RGS9: variants seen among roughly 807,000 people sequenced by gnomAD.
RGS9 encodes regulator of G protein signaling 9.
RGS9 carries 78 observed loss-of-function variants against 102.0 expected under a neutral mutation model. The observed-to-expected ratio is 0.76, with a 90% confidence interval of 0.64 to 0.92. The LOEUF is 0.92. Ranked by LOEUF, RGS9 falls within the 40% of genes least tolerant of loss-of-function variation. The probability of loss-of-function intolerance (pLI) is 0.00; values close to 1 mark genes in which losing one functional copy is unlikely to be tolerated. For missense variants in RGS9, 833 were observed against 866.1 expected, an observed-to-expected ratio of 0.96 and a Z score of 0.48; for synonymous variants, 353 against 318.6, an observed-to-expected ratio of 1.11 and a Z score of -1.15.
intron 2 of RGS9, among the ~76,000 whole-genome samples, chr17:65,154,640 C>T (rs1910702318): frequency 6.6e-6 from 1 of 152,198 alleles, no homozygotes; most frequent in Admixed American, 6.5e-5. Flanking sequence ...TGTCTCCTCT[C>T]TGTGTGTGGG....
intron 2 of RGS9, 147 bp from the exon 3 acceptor site, chr17:65,158,148 T>G: frequency 1.3e-6 from 1 of 777,972 alleles, no homozygotes; most frequent in East Asian, 2.5e-5. Context: ...GGACTGAGCA[T>G]GATGAGGTGG....
At chr17:65,170,846 G>A (rs568801174) in intron 8 of RGS9, among the ~76,000 whole-genome samples, 2 of 152,290 alleles carry the variant, frequency 1.3e-5, no homozygotes, top group Non-Finnish European at 1.5e-5. Context: ...AGGCAGGAGA[G>A]TGCAGTGGCC....
chr17:65,213,362 C>A (rs777675159), intron 17 of RGS9, among the ~76,000 whole-genome samples: 2 of 152,182 alleles, frequency 1.3e-5, no homozygotes, highest in Non-Finnish European at 2.9e-5. Context: ...CCTCCAACTT[C>A]TGGGGGAACG....
At chr17:65,171,317 C>G (rs1181122915) in intron 8 of RGS9, among the ~76,000 whole-genome samples, 1 of 152,182 alleles carries the variant, frequency 6.6e-6, no homozygotes, top group Non-Finnish European at 1.5e-5. Context: ...CACAGATGAC[C>G]TCATTGACGC....
intron 11 of RGS9, among the ~76,000 whole-genome samples, chr17:65,190,498 A>G (rs976757766): frequency 1.3e-5 from 2 of 152,140 alleles, no homozygotes; most frequent in Non-Finnish European, 2.9e-5. Context: ...TAATGTGTGG[A>G]TGGGGAAGTT....
chr17:65,208,090 T>C, intron 16 of RGS9, 83 bp downstream of exon 16: 1 of 918,752 alleles, frequency 1.1e-6, no homozygotes, highest in Non-Finnish European at 1.8e-6. Context: ...AAATGGCTAT[T>C]ATGGAGATAT....
At chr17:65,142,359 C>A (rs1910189308) in intron 1 of RGS9, among the ~76,000 whole-genome samples, 1 of 152,160 alleles carries the variant, frequency 6.6e-6, no homozygotes, top group South Asian at 2.1e-4. Flanking sequence ...TAATGAGAAG[C>A]TGTTTGACGT....
intron 8 of RGS9, 145 bp downstream of exon 8, chr17:65,168,426 C>T: frequency 1.5e-6 from 1 of 684,604 alleles, no homozygotes; most frequent in Non-Finnish European, 2.7e-6. Flanking sequence ...GGGTTAGCAT[C>T]CAAGTGCCTC....
At chr17:65,151,122 A>G (rs2143969013) in intron 1 of RGS9, among the ~76,000 whole-genome samples, 1 of 152,304 alleles carries the variant, frequency 6.6e-6, no homozygotes, top group Admixed American at 6.5e-5. Flanking sequence ...AGGCAGGTGG[A>G]TCACTTGAGG....
intron 2 of RGS9, among the ~76,000 whole-genome samples, chr17:65,155,189 T>C (rs1910724475): frequency 6.6e-6 from 1 of 152,240 alleles, no homozygotes; most frequent in Non-Finnish European, 1.5e-5. Context: ...GGGCAGACTT[T>C]TCAGGGTGCC....
At chr17:65,206,740 C>G (rs949760375) in intron 15 of RGS9, among the ~76,000 whole-genome samples, 1 of 152,070 alleles carries the variant, frequency 6.6e-6, no homozygotes, top group African/African-American at 2.4e-5. Flanking sequence ...TAGGGGATGC[C>G]CAGGGAGGCC....
rs567648039 is a variant in RGS9, at chr17:65,219,038, G to A, written c.1408-5964G>A. On this transcript the variant is annotated intron_variant, in intron 17 of 18. Transcript: ENST00000262406. ...GTGGAGACTTGGGGAGATCAGCAGA[G>A]GCTAAAGCAGAGGGGTGGGCAGGGC... Among the ~76,000 whole-genome samples the A allele has an allele frequency of 1.2e-4, 19 of 152,376 alleles. No individual in the cohort carries two copies. The East Asian group carries it at 3.7e-3, about 29-fold the overall frequency.
intron 17 of RGS9, among the ~76,000 whole-genome samples, chr17:65,212,704 A>G (rs2869581): frequency 0.078 from 11,889 of 152,246 alleles, 521 homozygotes; most frequent in Middle Eastern, 0.13. Flanking sequence ...AGCCCAGAAG[A>G]GGGACACTTA....
At chr17:65,187,214 A>G (rs1222257116) in intron 9 of RGS9, among the ~76,000 whole-genome samples, 1 of 152,094 alleles carries the variant, frequency 6.6e-6, no homozygotes, top group Non-Finnish European at 1.5e-5. Flanking sequence ...CTGAGCATCT[A>G]CTCTGCATCG....
At position 65,186,109 on chromosome 17, in the gene RGS9, C is replaced by T. The variant is rs1912104692; in HGVS notation, c.655-3177C>T. On this transcript the variant is annotated intron_variant, in intron 9 of 18. Transcript: ENST00000262406. The stretch of plus-strand genomic sequence containing the variant: ...CATGAGTGTTAAGGACAGAGTGTTT[C>T]TGGTACTTGTATTTTGTCTTGCGTT... 2.0e-5 allele frequency among the ~76,000 whole-genome samples: 3 copies of T among 151,988 alleles called. No homozygotes were observed. In the South Asian group the frequency reaches 6.2e-4, roughly 32 times the overall value.
intron 7 of RGS9, among the ~76,000 whole-genome samples, chr17:65,164,885 C>T (rs79603370): frequency 0.015 from 2,290 of 152,216 alleles, 66 homozygotes; most frequent in African/African-American, 0.051. Context: ...AAATACTTAC[C>T]ATAGTAATTA....
chr17:65,150,393 G>A (rs1055675459), intron 1 of RGS9, among the ~76,000 whole-genome samples: 44 of 151,988 alleles, frequency 2.9e-4, no homozygotes, highest in Non-Finnish European at 2.1e-4. Flanking sequence ...AGGCTGAAGC[G>A]GGTGGATCAT....
rs549669853 is a variant in RGS9 at position 65,198,991 on chromosome 17, C to G, written c.976+1750C>G. 9.2e-5 allele frequency among the ~76,000 whole-genome samples: 14 copies of G among 152,260 alleles called. No homozygotes were observed. In the South Asian group the frequency reaches 2.1e-3, roughly 23 times the overall value. On this transcript the variant is annotated intron_variant, in intron 13 of 18. Transcript: ENST00000262406. ...TACACCCTGAATTTATTATCTCCCC[C>G]CCACTAATTCCTTAGTGAGAATCCA...
chr17:65,153,841 G>A (rs980534479), intron 2 of RGS9, among the ~76,000 whole-genome samples: 2 of 152,212 alleles, frequency 1.3e-5, no homozygotes, highest in Non-Finnish European at 2.9e-5. Context: ...AGTGAGCAGA[G>A]ATTGCGCCAT....
Sources: gnomAD v4.1 joint callset for allele counts (sites outside exome capture counted in the v4.1 genomes callset) on GRCh38, gnomAD v4.1.1 for gene constraint, MANE v1.5 for transcripts, NCBI Gene and HGNC (gene_info 2026-07-23, HGNC 2026-07-21) for gene names.